Variants in PDCD6 observed in about 807,000 individuals in gnomAD.
PDCD6 encodes the protein programmed cell death 6.
In PDCD6, 12 loss-of-function variants were observed where a neutral mutation model predicts 28.3. That is an observed-to-expected ratio of 0.42 (90% CI 0.27 to 0.69). The LOEUF (loss-of-function observed/expected upper bound fraction) is 0.69, where lower values mean the gene tolerates loss of function less well. Among genes scored for constraint, PDCD6 ranks in the 30% least tolerant of loss-of-function variants. PDCD6 has a pLI of 0.22. For synonymous variants in PDCD6, 92 were observed against 108.0 expected, an observed-to-expected ratio of 0.85 and a Z score of 0.92; for missense variants, 226 against 269.9, an observed-to-expected ratio of 0.84 and a Z score of 1.14.
Position 298,639 on chromosome 5 carries a change from TC to T in PDCD6, c.164-5532del, listed in dbSNP as rs544260471. On this transcript the variant is annotated intron_variant, in intron 2 of 5. Coordinates refer to ENST00000264933, the MANE Select transcript of PDCD6 (RefSeq NM_013232.4). ...GCGGACCCTGCCCCCACCCAGCTGC[TC>T]CCCCCAGCTGCTCCCACTCAGCTGC... is the stretch of plus-strand genomic sequence containing the variant. Among the ~76,000 whole-genome samples the T allele has an allele frequency of 2.5e-3, 124 of 49,716 alleles. 2 individuals carry two copies. Among genetic ancestry groups the T allele is most frequent in the African/African-American group, 9.1e-3 (115 of 12,704 alleles). The allele number at this position is 49,716 out of a possible 152,430, so 32.6% of individuals were successfully genotyped here.
chr5:281,990 C>T (rs935958234), intron 2 of PDCD6, among the ~76,000 whole-genome samples: 6 of 151,262 alleles, frequency 4.0e-5, no homozygotes, highest in African/African-American at 1.5e-4. Context: ...GCTGAAGACT[C>T]GGGGAGGAGC....
intron 2 of PDCD6, among the ~76,000 whole-genome samples, chr5:274,138 G>T (rs1266518341): frequency 6.6e-6 from 1 of 152,156 alleles, no homozygotes; most frequent in Non-Finnish European, 1.5e-5. Context: ...TGACCATCCA[G>T]GTTCAAGTGG....
chr5:306,816 T>C, intron 4 of PDCD6, 56 bp downstream of exon 4: 1 of 1,551,814 alleles, frequency 6.4e-7, no homozygotes, highest in Non-Finnish European at 8.9e-7. Context: ...CTTGGAGCCG[T>C]TGAAGTTCTT....
At chr5:275,092 C>T (rs773204611) in intron 2 of PDCD6, among the ~76,000 whole-genome samples, 2 of 152,102 alleles carry the variant, frequency 1.3e-5, no homozygotes, top group Non-Finnish European at 2.9e-5. Flanking sequence ...GGATGAAGCC[C>T]CACCGCCCTT....
chr5:286,342 T>C (rs1337878077), intron 2 of PDCD6, among the ~76,000 whole-genome samples: 1 of 151,156 alleles, frequency 6.6e-6, no homozygotes, highest in Admixed American at 6.6e-5. Context: ...GGAGCTGATG[T>C]TGTTTTGAGA....
intron 2 of PDCD6, among the ~76,000 whole-genome samples, chr5:300,490 G>A (rs1481656466): frequency 6.6e-6 from 1 of 152,224 alleles, no homozygotes; most frequent in Non-Finnish European, 1.5e-5. Flanking sequence ...AGTCTTTCGT[G>A]CTTTCACCAG....
Position 314,568 on chromosome 5 carries a change from GTTCCT to G in PDCD6, c.*54_*58del. ...ACATGGAAAGAGCCAAAATGTCACAGTTCCTATCTGTGAGGGAATGGAGCACAGGT... is the reference window on the plus strand; with the variant it reads ...ACATGGAAAGAGCCAAAATGTCACAGATCTGTGAGGGAATGGAGCACAGGT... On this transcript the variant is annotated 3_prime_UTR_variant, in exon 6 of 6. Transcript: ENST00000264933. 3.2e-6 allele frequency: 4 copies of G among 1,266,114 alleles called. No homozygotes were observed. The highest frequency in any genetic ancestry group is 4.6e-6 in the Non-Finnish European group (4 of 865,338). 78.4% of individuals were successfully genotyped at this position (1,266,114 alleles called of 1,614,324 possible).
intron 2 of PDCD6, among the ~76,000 whole-genome samples, chr5:275,609 G>A (rs1445988588): frequency 6.6e-6 from 1 of 152,164 alleles, no homozygotes; most frequent in Non-Finnish European, 1.5e-5. Flanking sequence ...CAACCAATAT[G>A]ATTCACATTT....
At chr5:303,208 C>T (rs752811334) in intron 2 of PDCD6, among the ~76,000 whole-genome samples, 314 of 151,794 alleles carry the variant, frequency 2.1e-3, no homozygotes, top group Non-Finnish European at 3.5e-3. Flanking sequence ...CAGACCCCAC[C>T]GCCCGTGCTC....
At chr5:281,216 T>C (rs1738543261) in intron 2 of PDCD6, among the ~76,000 whole-genome samples, 1 of 152,222 alleles carries the variant, frequency 6.6e-6, no homozygotes, top group African/African-American at 2.4e-5. Context: ...AAACAAAACA[T>C]TTATTCATTT....
intron 2 of PDCD6, among the ~76,000 whole-genome samples, chr5:287,412 C>T (rs1311902276): frequency 6.6e-5 from 10 of 152,094 alleles, no homozygotes; most frequent in East Asian, 3.8e-4. Context: ...TCTCAGTCCT[C>T]GGGATCAATG....
intron 2 of PDCD6, among the ~76,000 whole-genome samples, chr5:288,292 T>TA (rs56208909): frequency 3.3e-4 from 35 of 107,112 alleles, no homozygotes; most frequent in Admixed American, 1.4e-3. Context: ...AATATATATA[T>TA]TATATATATA....
chr5:304,439 T>C lies in PDCD6; in HGVS notation c.208+218T>C. ...TATTCTTGATTCTGTTTATTTTTAA[T>C]GTACGGTGTAACCTGTCCTTTCAGT... On this transcript the variant is annotated intron_variant, in intron 3 of 5. Transcript: ENST00000264933. 3 of 491,760 alleles carry C rather than the reference T, an allele frequency of 6.1e-6. No homozygotes were observed. The South Asian group carries it at 8.7e-5, about 14-fold the overall frequency. 30.5% of individuals were successfully genotyped at this position (491,760 alleles called of 1,614,324 possible).
intron 5 of PDCD6, among the ~76,000 whole-genome samples, chr5:313,024 A>C (rs1042610780): frequency 2.6e-5 from 4 of 152,206 alleles, no homozygotes; most frequent in Non-Finnish European, 5.9e-5. Flanking sequence ...CGACCTCTCC[A>C]GCGCCTTCCA....
chr5:298,141 T>A (rs1391427142), intron 2 of PDCD6, among the ~76,000 whole-genome samples: 1 of 152,150 alleles, frequency 6.6e-6, no homozygotes, highest in Non-Finnish European at 1.5e-5. Context: ...TGCTCATGAT[T>A]TCAGGGGTAA....
At position 314,773 on chromosome 5, in the gene PDCD6, T is replaced by C; in HGVS notation, c.*258T>C. 1 of 550,242 alleles carries C rather than the reference T, an allele frequency of 1.8e-6. No homozygotes were observed. Among genetic ancestry groups the C allele is most frequent in the Non-Finnish European group, 3.3e-6 (1 of 299,034 alleles). The allele number at this position is 550,242 out of a possible 1,614,324, so 34.1% of individuals were successfully genotyped here. ...TGAGGTAAATGTAATGTTTCAGGCA[T>C]TCTGCTTGCAAAAAAATCTATCATG... is the stretch of plus-strand genomic sequence containing the variant. On this transcript the variant is annotated 3_prime_UTR_variant, in exon 6 of 6. Transcript: ENST00000264933.
intron 2 of PDCD6, among the ~76,000 whole-genome samples, chr5:298,267 C>G (rs1739746907): frequency 6.6e-6 from 1 of 152,242 alleles, no homozygotes; most frequent in Admixed American, 6.5e-5. Context: ...CTTTGAAGAT[C>G]ATTTCACTTA....
At position 311,383 on chromosome 5, in the gene PDCD6, A is replaced by G; in HGVS notation, c.458A>G (p.Gln153Arg). 6.2e-7 allele frequency: 1 copy of G among 1,613,424 alleles called. No homozygotes were observed. Among genetic ancestry groups the G allele is most frequent in the South Asian group, 1.1e-5 (1 of 91,054 alleles). ...CAGATTGCCTTCGACGACTTCATCC[A>G]GGGCTGCATCGTCCTGCAGGTGACG... ...RGQIAFDDFI[Q>R]GCIVLQRLTD... The change falls in exon 5 of 6, where the codon CAG becomes CGG. Residue 153 changes from glutamine (Q) to arginine (R), a missense_variant. Transcript: ENST00000264933.
At chr5:281,766 ATGT>A (rs1425023212) in intron 2 of PDCD6, among the ~76,000 whole-genome samples, 2 of 150,350 alleles carry the variant, frequency 1.3e-5, no homozygotes, top group African/African-American at 5.0e-5. Context: ...AGAGGAGCTG[ATGT>A]TTTAGATTGA....
Sources: gnomAD v4.1 joint callset for allele counts (sites outside exome capture counted in the v4.1 genomes callset) on GRCh38, gnomAD v4.1.1 for gene constraint, MANE v1.5 for transcripts, NCBI Gene and HGNC (gene_info 2026-07-23, HGNC 2026-07-21) for gene names.